Variants in PHAF1 observed in about 807,000 individuals in gnomAD.
The protein encoded by PHAF1 is phagosome assembly factor 1.
A neutral mutation model predicts 63.1 loss-of-function variants in PHAF1; 23 were observed. The observed-to-expected ratio is 0.36, with a 90% confidence interval of 0.26 to 0.52. The LOEUF (loss-of-function observed/expected upper bound fraction) is 0.52, where lower values mean the gene tolerates loss of function less well. Among genes scored for constraint, PHAF1 ranks in the 20% least tolerant of loss-of-function variants. PHAF1 has a pLI of 0.93. For missense variants in PHAF1, 427 were observed against 517.2 expected (o/e 0.83, Z 1.69); for synonymous variants, 167 against 185.0 (o/e 0.90, Z 0.79).
At chr16:67,145,288 G>T in intron 12 of PHAF1, 88 bp from the exon 13 acceptor site, 1 of 1,464,928 alleles carries the variant, frequency 6.8e-7, no homozygotes, top group Admixed American at 1.8e-5. Flanking sequence ...CCAGTGCAAA[G>T]GGACACCAGG....
chr16:67,141,540 C>CTGGG (rs1963809582), intron 10 of PHAF1, among the ~76,000 whole-genome samples: 1 of 152,230 alleles, frequency 6.6e-6, no homozygotes, highest in Non-Finnish European at 1.5e-5. Flanking sequence ...TGCTACCAGC[C>CTGGG]TGGATCCCAT....
Position 67,126,032 on chromosome 16 carries a change from A to G in PHAF1, c.221A>G (p.Gln74Arg), listed in dbSNP as rs1339576762. 4 of 1,610,176 alleles carry G rather than the reference A, an allele frequency of 2.5e-6. No homozygotes were observed. Among genetic ancestry groups the G allele is most frequent in the Non-Finnish European group, 3.4e-6 (4 of 1,177,114 alleles). The change falls in exon 3 of 16, where the codon CAG (glutamine) becomes CGG (arginine). Residue 74 changes from glutamine to arginine, a missense_variant. Coordinates refer to ENST00000219139, the MANE Select transcript of PHAF1 (RefSeq NM_025187.5). ...AAACTAATGTTTGATGCTTTCAATC[A>G]GAGACTTAAGGTAACTATAAATGAC... ...GIKLMFDAFN[Q>R]RLKVIEVCDL...
At chr16:67,125,575 A>C (rs1963154584) in intron 2 of PHAF1, among the ~76,000 whole-genome samples, 1 of 152,244 alleles carries the variant, frequency 6.6e-6, no homozygotes, top group Non-Finnish European at 1.5e-5. Flanking sequence ...GCCTTTTCAC[A>C]TGACCTGTAT....
At chr16:67,113,492 C>T (rs1489011619) in intron 1 of PHAF1, among the ~76,000 whole-genome samples, 2 of 150,260 alleles carry the variant, frequency 1.3e-5, no homozygotes, top group Non-Finnish European at 3.0e-5. Context: ...CTCTGTTGCC[C>T]AGGCTAGAGT....
chr16:67,110,156 G>T lies in PHAF1; in HGVS notation c.-20G>T. ...CTGCGCTGCCGCAGGGAGGCCGCCC[G>T]GGCCAGGCGAGCCGAACCAATGCTG... On this transcript the variant is annotated 5_prime_UTR_variant, in exon 1 of 16. Transcript: ENST00000219139. 6.4e-7 allele frequency: 1 copy of T among 1,550,638 alleles called. No individual in the cohort carries two copies. The highest frequency in any genetic ancestry group is 8.7e-7 in the Non-Finnish European group (1 of 1,147,146).
intron 2 of PHAF1, among the ~76,000 whole-genome samples, chr16:67,120,556 GT>G (rs1962930835): frequency 6.6e-6 from 1 of 150,802 alleles, no homozygotes; most frequent in Non-Finnish European, 1.5e-5. Context: ...GCTTTTGTTG[GT>G]TAGTTTGTGT....
intron 8 of PHAF1, among the ~76,000 whole-genome samples, chr16:67,136,544 G>GCAT (rs1377514083): frequency 7.2e-6 from 1 of 138,144 alleles, no homozygotes; most frequent in Non-Finnish European, 1.5e-5. Context: ...AGTCTCTGAG[G>GCAT]CATTGATTCC....
Position 67,143,994 on chromosome 16 carries a change from C to T in PHAF1, c.880-300C>T, listed in dbSNP as rs559572742. ...GTGGGCGCCTGTAATCCCAGCTACT[C>T]GGGAGGCTGAGGCAGGAGAATTGCT... is the stretch of plus-strand genomic sequence containing the variant. On this transcript the variant is annotated intron_variant, in intron 10 of 15. Coordinates refer to ENST00000219139, the MANE Select transcript of PHAF1 (RefSeq NM_025187.5). Among the ~76,000 whole-genome samples, 8 of 151,958 alleles carry T rather than the reference C, an allele frequency of 5.3e-5. No homozygotes were observed. The East Asian group carries it at 1.5e-3, about 29-fold the overall frequency.
intron 2 of PHAF1, among the ~76,000 whole-genome samples, chr16:67,123,361 C>G (rs1963061319): frequency 6.6e-6 from 1 of 151,934 alleles, no homozygotes; most frequent in Admixed American, 6.6e-5. Flanking sequence ...CAGATCACTT[C>G]AGGTCAGGAG....
At chr16:67,119,314 A>G (rs539740553) in intron 1 of PHAF1, among the ~76,000 whole-genome samples, 56 of 152,244 alleles carry the variant, frequency 3.7e-4, no homozygotes, top group African/African-American at 1.3e-3. Flanking sequence ...TCTGTGTCAG[A>G]TCAGTGTGGA....
chr16:67,127,988 C>CTGG (rs1963254524), intron 3 of PHAF1, among the ~76,000 whole-genome samples: 2 of 152,164 alleles, frequency 1.3e-5, no homozygotes, highest in African/African-American at 4.8e-5. Flanking sequence ...GTCCAGCAGC[C>CTGG]CATAAAATCA....
intron 5 of PHAF1, 91 bp from the exon 6 acceptor site, chr16:67,132,726 T>C: frequency 4.0e-6 from 5 of 1,259,136 alleles, no homozygotes; most frequent in Non-Finnish European, 5.8e-6. Context: ...GGGAAGGTGT[T>C]GTCAGTCATT....
chr16:67,115,955 C>A (rs1311683253), intron 1 of PHAF1, among the ~76,000 whole-genome samples: 1 of 152,158 alleles, frequency 6.6e-6, no homozygotes, highest in Admixed American at 6.5e-5. Context: ...GAGTTTGAGG[C>A]CAGCCTGGGT....
intron 6 of PHAF1, 89 bp downstream of exon 6, chr16:67,133,000 G>A (rs1963466053): frequency 9.5e-7 from 1 of 1,047,158 alleles, no homozygotes; most frequent in Admixed American, 2.1e-5. Flanking sequence ...AGAGGAGTGG[G>A]TATTAGATAG....
In PHAF1 at chr16:67,132,470, C is replaced by T; in HGVS notation, c.300C>T (p.Ala100=). 1.9e-6 allele frequency: 3 copies of T among 1,612,768 alleles called. No homozygotes were observed. The highest frequency in any genetic ancestry group is 2.5e-6 in the Non-Finnish European group (3 of 1,179,132). The change falls in exon 5 of 16, where the codon GCC becomes GCT. Residue 100 remains alanine, a synonymous_variant. Transcript: ENST00000219139. ...GTGGCGTGCATTTTAATTCTCAGGCCATAGCTCCTACCATTGAACAGATTG... is the reference window on the plus strand; with the variant it reads ...GTGGCGTGCATTTTAATTCTCAGGCTATAGCTCCTACCATTGAACAGATTG... The part of the protein sequence containing the change: ...KYCGVHFNSQ[A]IAPTIEQIDQ...
intron 2 of PHAF1, among the ~76,000 whole-genome samples, chr16:67,123,211 C>T (rs972976012): frequency 6.6e-6 from 1 of 151,586 alleles, no homozygotes; most frequent in African/African-American, 2.4e-5. Context: ...TCCTGGGCTC[C>T]AGCCGTCCTC....
intron 3 of PHAF1, 104 bp from the exon 4 acceptor site, chr16:67,131,180 GTT>G (rs71145961): frequency 0.038 from 9,403 of 247,178 alleles, 306 homozygotes; most frequent in African/African-American, 0.14. Flanking sequence ...ATTGGTAATA[GTT>G]TTTTTTTTTT....
chr16:67,142,857 C>A (rs965148761), intron 10 of PHAF1, among the ~76,000 whole-genome samples: 6 of 152,208 alleles, frequency 3.9e-5, no homozygotes, highest in Non-Finnish European at 7.3e-5. Flanking sequence ...AACAGAGGTC[C>A]CGGCCACACT....
chr16:67,135,509 A>G (rs1262194001), intron 8 of PHAF1: 1 of 151,974 alleles, frequency 6.6e-6, no homozygotes, highest in African/African-American at 2.4e-5. Context: ...AGATGGCCTC[A>G]TTCTGTCATC....
Sources: allele counts gnomAD v4.1 joint callset (sites outside exome capture counted in the v4.1 genomes callset), GRCh38; gene constraint gnomAD v4.1.1; transcripts MANE v1.5; gene names NCBI Gene and HGNC (gene_info 2026-07-23, HGNC 2026-07-21).